Variants in DTNA observed in about 807,000 individuals in gnomAD.
The protein encoded by DTNA is dystrobrevin alpha, also known as dystrophin-related protein 3.
Under a neutral mutation model 100.7 loss-of-function variants are expected in DTNA, and 43 were observed. The ratio of observed to expected loss-of-function variants is 0.43; its 90% confidence interval spans 0.33 to 0.55. The LOEUF (loss-of-function observed/expected upper bound fraction) is 0.55. DTNA is among the 20% of genes least tolerant of loss of function. The probability of loss-of-function intolerance (pLI) is 0.04; values close to 1 mark genes in which losing one functional copy is unlikely to be tolerated. For synonymous variants in DTNA, 349 were observed against 347.9 expected (o/e 1.00, Z -0.04); for missense variants, 798 against 953.9 (o/e 0.84, Z 2.15).
chr18:34,858,437 T>C (rs756183867), intron 16 of DTNA, 39 bp downstream of exon 16: 2 of 1,595,252 alleles, frequency 1.3e-6, no homozygotes, highest in Non-Finnish European at 1.7e-6. Context: ...GGAATATATA[T>C]GTGTCAGATC....
At chr18:34,666,505 G>C (rs542736397) in intron 1 of DTNA, among the ~76,000 whole-genome samples, 12 of 152,196 alleles carry the variant, frequency 7.9e-5, no homozygotes, top group African/African-American at 2.2e-4. Flanking sequence ...CCATGCCTAT[G>C]TCCTGAATGG....
intron 1 of DTNA, among the ~76,000 whole-genome samples, chr18:34,727,304 T>G (rs2086940988): frequency 6.6e-6 from 1 of 152,214 alleles, no homozygotes; most frequent in Non-Finnish European, 1.5e-5. Context: ...GGCTTGATAA[T>G]ATTTTTAATT....
chr18:34,547,583 C>T (rs2044931827), intron 1 of DTNA, among the ~76,000 whole-genome samples: 1 of 152,056 alleles, frequency 6.6e-6, no homozygotes, highest in African/African-American at 2.4e-5. Context: ...TGAAAGACAT[C>T]CATTATTATT....
At chr18:34,871,479 A>C (rs753678659) in intron 17 of DTNA, among the ~76,000 whole-genome samples, 2 of 152,134 alleles carry the variant, frequency 1.3e-5, no homozygotes, top group Admixed American at 6.5e-5. Context: ...ATCTGCATGG[A>C]CCATTGTCCC....
intron 1 of DTNA, among the ~76,000 whole-genome samples, chr18:34,525,692 A>G (rs780628731): frequency 2.8e-4 from 43 of 152,320 alleles, no homozygotes; most frequent in Middle Eastern, 3.4e-3. Context: ...TGGTAGAACT[A>G]GAAATAAATA....
At chr18:34,813,854 A>C (rs2095539314) in intron 6 of DTNA, among the ~76,000 whole-genome samples, 3 of 152,018 alleles carry the variant, frequency 2.0e-5, no homozygotes, top group African/African-American at 7.2e-5. Context: ...AAAAAAAAAA[A>C]AAAAAAAAGT....
chr18:34,589,666 G>A (rs932394538), intron 1 of DTNA, among the ~76,000 whole-genome samples: 6 of 151,880 alleles, frequency 4.0e-5, no homozygotes, highest in Admixed American at 6.6e-5. Flanking sequence ...GCAAATTACC[G>A]GTATACAATA....
chr18:34,877,384 C>T (rs776732754), intron 18 of DTNA, among the ~76,000 whole-genome samples: 28 of 152,198 alleles, frequency 1.8e-4, no homozygotes, highest in Admixed American at 7.2e-4. Flanking sequence ...GGTGACCACA[C>T]GCACTGGTTT....
chr18:34,605,575 A>G (rs2052880463), intron 1 of DTNA, among the ~76,000 whole-genome samples: 1 of 151,218 alleles, frequency 6.6e-6, no homozygotes, highest in African/African-American at 2.4e-5. Context: ...TTAGATATGC[A>G]TTTTCTAGAA....
intron 1 of DTNA, among the ~76,000 whole-genome samples, chr18:34,702,709 A>G (rs1466451055): frequency 6.6e-6 from 1 of 152,134 alleles, no homozygotes; most frequent in Non-Finnish European, 1.5e-5. Context: ...TCTCTTTTAC[A>G]TAAAGTGGCT....
intron 1 of DTNA, among the ~76,000 whole-genome samples, chr18:34,521,707 A>G (rs990134288): frequency 5.3e-5 from 8 of 152,076 alleles, no homozygotes; most frequent in Non-Finnish European, 1.2e-4. Context: ...CTTACTCCAC[A>G]TCTCCGCGGC....
intron 1 of DTNA, among the ~76,000 whole-genome samples, chr18:34,620,592 C>T (rs923063829): frequency 2.0e-5 from 3 of 152,176 alleles, no homozygotes; most frequent in South Asian, 2.1e-4. Flanking sequence ...TTAGTGGCTT[C>T]TGCTTCTGGG....
rs759834188 is a variant in DTNA, at chr18:34,753,353, ATTTATTTATTTTATTTTTTT to A, written c.-1-2619_-1-2600del. Among the ~76,000 whole-genome samples, 3 of 10,938 alleles carry A rather than the reference ATTTATTTATTTTATTTTTTT, an allele frequency of 2.7e-4. 1 individual carries two copies. Among genetic ancestry groups the A allele is most frequent in the African/African-American group, 5.1e-4 (2 of 3,938 alleles). The allele number at this position is 10,938 out of a possible 152,430, so 7.2% of individuals were successfully genotyped here. ...TCCTTTGTGATTTATTTATTTATTT[ATTTATTTATTTTATTTTTTT>A]TTTTTTTTTATTTTTTATTTTTTTT... On this transcript the variant is annotated intron_variant, in intron 1 of 22. Transcript: ENST00000444659.
intron 1 of DTNA, among the ~76,000 whole-genome samples, chr18:34,576,203 A>C (rs1453581625): frequency 6.6e-6 from 1 of 152,164 alleles, no homozygotes; most frequent in African/African-American, 2.4e-5. Flanking sequence ...CCAGTGGTAA[A>C]GCTGTGTGAC....
At chr18:34,706,882 AAACAATGTGCTT>A (rs1291288873), upstream of DTNA, among the ~76,000 whole-genome samples, 1 of 152,232 alleles carries the variant, frequency 6.6e-6, no homozygotes, top group Non-Finnish European at 1.5e-5. Flanking sequence ...GTGGCCCAAG[AAACAATGTGCTT>A]GCAAAAATTG....
At chr18:34,610,750 G>A (rs2147506061) in intron 1 of DTNA, among the ~76,000 whole-genome samples, 1 of 152,302 alleles carries the variant, frequency 6.6e-6, no homozygotes, top group Admixed American at 6.5e-5. Flanking sequence ...TAAACTGTAT[G>A]ACTTCAGCAT....
intron 1 of DTNA, among the ~76,000 whole-genome samples, chr18:34,672,002 C>T (rs574100602): frequency 6.6e-6 from 1 of 152,170 alleles, no homozygotes; most frequent in African/African-American, 2.4e-5. Flanking sequence ...TAACCTTTGA[C>T]ACATTTTTAC....
chr18:34,840,897 T>C (rs2096255007), intron 13 of DTNA, among the ~76,000 whole-genome samples: 1 of 152,136 alleles, frequency 6.6e-6, no homozygotes, highest in Admixed American at 6.6e-5. Context: ...ATACCTGTCA[T>C]GGTTCTATAA....
At chr18:34,709,288 A>G (rs186386905), upstream of DTNA, 1 of 152,304 alleles carries the variant, frequency 6.6e-6, no homozygotes, top group African/African-American at 2.4e-5. Context: ...CAAACAAATT[A>G]TTGTGAAATG....
Sources: allele counts gnomAD v4.1 joint callset (sites outside exome capture counted in the v4.1 genomes callset), GRCh38; gene constraint gnomAD v4.1.1; transcripts MANE v1.5; gene names NCBI Gene and HGNC (gene_info 2026-07-23, HGNC 2026-07-21).